The following NTN4 variants were observed in gnomAD, a reference collection of about 807,000 sequenced individuals.
The protein encoded by NTN4 is netrin 4, also known as netrin-4.
A neutral mutation model predicts 73.6 loss-of-function variants in NTN4; 32 were observed. The observed-to-expected ratio is 0.44, with a 90% CI of 0.33 to 0.58. NTN4 has a LOEUF of 0.58. Among genes scored for constraint, NTN4 ranks in the 20% least tolerant of loss-of-function variants. The pLI is 0.04. For missense variants in NTN4, 654 were observed against 798.3 expected (o/e 0.82, Z 2.18); for synonymous variants, 258 against 287.5 (o/e 0.90, Z 1.04).
intron 2 of NTN4, among the ~76,000 whole-genome samples, chr12:95,772,086 TG>T (rs1181846469): frequency 1.3e-5 from 2 of 152,302 alleles, no homozygotes; most frequent in South Asian, 2.1e-4. Context: ...TTGCCCAGAC[TG>T]GAGTGCAGTG....
At chr12:95,713,079 T>C in intron 4 of NTN4, 133 bp downstream of exon 4, 1 of 1,004,998 alleles carries the variant, frequency 1.0e-6, no homozygotes, top group Non-Finnish European at 1.4e-6. Context: ...TGGGCAGTGA[T>C]ATGGCTATGT....
chr12:95,766,925 C>A (rs2121259056), intron 2 of NTN4, among the ~76,000 whole-genome samples: 1 of 152,320 alleles, frequency 6.6e-6, no homozygotes, highest in Non-Finnish European at 1.5e-5. Flanking sequence ...TGGTGTAGTA[C>A]AGCTGATTTT....
chr12:95,713,094 G>A (rs1190489278), intron 4 of NTN4, 118 bp downstream of exon 4: 7 of 1,223,310 alleles, frequency 5.7e-6, no homozygotes, highest in South Asian at 1.7e-5. Flanking sequence ...CTATGTTTGT[G>A]TAGGGTCTAG....
At chr12:95,695,317 T>C (rs1413049523) in intron 5 of NTN4, among the ~76,000 whole-genome samples, 1 of 152,158 alleles carries the variant, frequency 6.6e-6, no homozygotes, top group African/African-American at 2.4e-5. Context: ...TTTCCTGTCT[T>C]CTATACACAT....
At chr12:95,784,127 A>G (rs774054016) in intron 2 of NTN4, among the ~76,000 whole-genome samples, 7 of 152,212 alleles carry the variant, frequency 4.6e-5, no homozygotes, top group Non-Finnish European at 8.8e-5. Flanking sequence ...GAGACTTCTT[A>G]TTTTTAAACT....
At position 95,741,467 on chromosome 12, in the gene NTN4, A is replaced by ATC. The variant is rs1555219306; in HGVS notation, c.586-3324_586-3323insGA. The stretch of plus-strand genomic sequence containing the variant: ...TATATATATATATATATATATATAT[A>ATC]TATATATCTCCTCCATGCCAACCTG... On this transcript the variant is annotated intron_variant, in intron 2 of 9. Transcript: ENST00000343702. Among the ~76,000 whole-genome samples, 133 of 108,696 alleles carry ATC rather than the reference A, an allele frequency of 1.2e-3. 1 individual carries two copies. The highest frequency in any genetic ancestry group is 4.4e-3 in the African/African-American group (129 of 29,364). The allele number at this position is 108,696 out of a possible 152,430, so 71.3% of individuals were successfully genotyped here.
intron 5 of NTN4, among the ~76,000 whole-genome samples, chr12:95,685,845 T>C (rs1396166063): frequency 1.3e-5 from 2 of 152,186 alleles, no homozygotes; most frequent in East Asian, 1.9e-4. Context: ...GTCTGGTACA[T>C]GATTAATAGT....
chr12:95,723,244 G>C (rs12371391), intron 3 of NTN4, among the ~76,000 whole-genome samples: 53,735 of 151,396 alleles, frequency 0.35, 11,218 homozygotes, highest in Non-Finnish European at 0.47. Flanking sequence ...TACCTTTCCT[G>C]CTGTCGGGGA....
At chr12:95,684,539 C>G (rs187616138) in intron 5 of NTN4, among the ~76,000 whole-genome samples, 1 of 152,030 alleles carries the variant, frequency 6.6e-6, no homozygotes, top group Non-Finnish European at 1.5e-5. Flanking sequence ...AACTCCTGGC[C>G]TCAAGCAATC....
chr12:95,760,596 G>T (rs1255002217), intron 2 of NTN4, among the ~76,000 whole-genome samples: 3 of 151,936 alleles, frequency 2.0e-5, no homozygotes, highest in Middle Eastern at 3.4e-3. Context: ...TGGGGCAATT[G>T]TAGGGATTGT....
intron 3 of NTN4, among the ~76,000 whole-genome samples, chr12:95,727,494 C>T (rs184471834): frequency 4.8e-3 from 320 of 67,312 alleles, no homozygotes; most frequent in Non-Finnish European, 7.6e-3. Context: ...TCTAAGAAAC[C>T]ATTGCTTAAT....
At chr12:95,730,459 CA>C (rs2078729534) in intron 3 of NTN4, among the ~76,000 whole-genome samples, 2 of 152,174 alleles carry the variant, frequency 1.3e-5, no homozygotes, top group African/African-American at 4.8e-5. Flanking sequence ...GAAATCCTTC[CA>C]TGGGTGCCAA....
chr12:95,730,411 T>C (rs1007463551), intron 3 of NTN4, among the ~76,000 whole-genome samples: 6 of 152,176 alleles, frequency 3.9e-5, no homozygotes, highest in Non-Finnish European at 8.8e-5. Context: ...AATAAATATC[T>C]AATTGTTCTG....
At chr12:95,743,971 G>C (rs2078843924) in intron 2 of NTN4, among the ~76,000 whole-genome samples, 1 of 152,054 alleles carries the variant, frequency 6.6e-6, no homozygotes, top group Non-Finnish European at 1.5e-5. Context: ...GCGCGATCTT[G>C]GCTCACTGCA....
chr12:95,785,781 G>A (rs2079163012), intron 2 of NTN4, among the ~76,000 whole-genome samples: 1 of 152,156 alleles, frequency 6.6e-6, no homozygotes, highest in Non-Finnish European at 1.5e-5. Context: ...GTTATATAAA[G>A]GATGCTAGAA....
At chr12:95,688,705 C>T (rs1397255205) in intron 5 of NTN4, among the ~76,000 whole-genome samples, 1 of 149,656 alleles carries the variant, frequency 6.7e-6, no homozygotes, top group Admixed American at 6.7e-5. Flanking sequence ...ACGGTGGAAA[C>T]ATCCATAGGT....
intron 5 of NTN4, among the ~76,000 whole-genome samples, chr12:95,689,952 C>A (rs776560358): frequency 9.9e-5 from 15 of 152,182 alleles, no homozygotes; most frequent in Non-Finnish European, 1.9e-4. Context: ...CTATCCCCTG[C>A]AGTGCTTAGC....
chr12:95,722,097 A>G (rs905670902), intron 3 of NTN4, among the ~76,000 whole-genome samples: 16 of 148,210 alleles, frequency 1.1e-4, no homozygotes, highest in African/African-American at 4.0e-4. Flanking sequence ...GTAGTATTAC[A>G]GCTAGAACTA....
At chr12:95,756,720 A>G (rs930908077) in intron 2 of NTN4, among the ~76,000 whole-genome samples, 1 of 149,968 alleles carries the variant, frequency 6.7e-6, no homozygotes, top group Non-Finnish European at 1.5e-5. Context: ...TTCCCTGCCC[A>G]TCCTTCCCCA....
Sources: gnomAD v4.1 joint callset for allele counts (sites outside exome capture counted in the v4.1 genomes callset) on GRCh38, gnomAD v4.1.1 for gene constraint, MANE v1.5 for transcripts, NCBI Gene and HGNC (gene_info 2026-07-23, HGNC 2026-07-21) for gene names.